ERO1B: variants seen among roughly 807,000 people sequenced by gnomAD.
ERO1B encodes ERO1-like protein beta.
ERO1B carries 49 observed loss-of-function variants against 75.3 expected under a neutral mutation model. The ratio of observed to expected loss-of-function variants is 0.65; its 90% CI spans 0.52 to 0.83. The LOEUF is 0.83. Ranked by LOEUF, ERO1B falls within the 40% of genes least tolerant of loss-of-function variation. The pLI is 0.00. For synonymous variants in ERO1B, 191 were observed against 192.9 expected, an observed-to-expected ratio of 0.99 and a Z score of 0.08; for missense variants, 512 against 560.1, an observed-to-expected ratio of 0.91 and a Z score of 0.87.
intron 11 of ERO1B, 22 bp from the exon 12 acceptor site, chr1:236,226,537 T>A (rs774133514): frequency 1.2e-6 from 2 of 1,602,734 alleles, no homozygotes; most frequent in Non-Finnish European, 1.7e-6. Context: ...GAGAAATACA[T>A]TACATTGTTT....
At position 236,281,916 on chromosome 1, in the gene ERO1B, C is replaced by G. The variant is rs780740410; in HGVS notation, c.-133G>C. ...AGGGTCAGAGGTCTGCACTCCAGTC[C>G]GGAGGCAGGCGACTCTTTCCCCAAC... On this transcript the variant is annotated 5_prime_UTR_variant, in exon 1 of 16. Coordinates refer to ENST00000354619, the MANE Select transcript of ERO1B (RefSeq NM_019891.4). 24 of 481,814 alleles carry G rather than the reference C, an allele frequency of 5.0e-5. No individual in the cohort carries two copies. The highest frequency in any genetic ancestry group is 5.6e-5 in the Non-Finnish European group (17 of 301,482). 29.8% of individuals were successfully genotyped at this position (481,814 alleles called of 1,614,324 possible).
intron 1 of ERO1B, among the ~76,000 whole-genome samples, chr1:236,278,633 C>T (rs1665758912): frequency 6.6e-6 from 1 of 152,026 alleles, no homozygotes; most frequent in Non-Finnish European, 1.5e-5. Flanking sequence ...CAATTTTATG[C>T]CACCTCAGAA....
chr1:236,252,214 T>C lies in ERO1B; in HGVS notation c.307-123A>G, dbSNP rs543980389. On this transcript the variant is annotated intron_variant, in intron 3 of 15. Coordinates refer to ENST00000354619, the MANE Select transcript of ERO1B (RefSeq NM_019891.4). ...CATTTTACTCTATGAGGGGCAAATA[T>C]ACACTCACTCAAATTGTGTTTTCAC... 1.4e-5 allele frequency: 9 copies of C among 650,072 alleles called. No homozygotes were observed. In the East Asian group the frequency reaches 1.6e-4, roughly 12 times the overall value. The allele number at this position is 650,072 out of a possible 1,614,324, so 40.3% of individuals were successfully genotyped here.
chr1:236,232,729 GAAT>G, intron 9 of ERO1B, 96 bp downstream of exon 9: 1 of 1,053,464 alleles, frequency 9.5e-7, no homozygotes, highest in Admixed American at 2.6e-5. Context: ...TAGAAAACAG[GAAT>G]ACTTTCTTTT....
intron 1 of ERO1B, among the ~76,000 whole-genome samples, chr1:236,279,927 AC>A (rs1665793157): frequency 6.6e-6 from 1 of 152,124 alleles, no homozygotes; most frequent in South Asian, 2.1e-4. Context: ...GCACAATGCT[AC>A]TTCAAATATT....
At chr1:236,230,498 G>A (rs1441992531) in intron 9 of ERO1B, among the ~76,000 whole-genome samples, 1 of 150,662 alleles carries the variant, frequency 6.6e-6, no homozygotes, top group Non-Finnish European at 1.5e-5. Flanking sequence ...CTGTAATCCA[G>A]CTACTCGGGA....
At chr1:236,279,843 C>CAAAAAAAAA (rs60949594) in intron 1 of ERO1B, among the ~76,000 whole-genome samples, 1 of 135,288 alleles carries the variant, frequency 7.4e-6, no homozygotes. Context: ...GACACTATCT[C>CAAAAAAAAA]AAAAAAAAAA....
intron 6 of ERO1B, among the ~76,000 whole-genome samples, chr1:236,240,251 AATTTAAT>A (rs1345774673): frequency 6.6e-6 from 1 of 151,942 alleles, no homozygotes; most frequent in Admixed American, 6.6e-5. Context: ...CCACTGTCCT[AATTTAAT>A]AGAGTTATGA....
chr1:236,266,828 C>A (rs1665453904), intron 2 of ERO1B, among the ~76,000 whole-genome samples: 1 of 152,112 alleles, frequency 6.6e-6, no homozygotes. Flanking sequence ...TAGATCATGG[C>A]ATTAACCCTC....
chr1:236,256,594 G>C (rs1049247438), intron 2 of ERO1B, among the ~76,000 whole-genome samples: 14 of 152,216 alleles, frequency 9.2e-5, no homozygotes, highest in Admixed American at 9.2e-4. Flanking sequence ...CTCCTGGCAT[G>C]CTTCAGTAAT....
intron 1 of ERO1B, among the ~76,000 whole-genome samples, chr1:236,278,403 T>G (rs559886563): frequency 6.6e-6 from 1 of 151,984 alleles, no homozygotes; most frequent in East Asian, 1.9e-4. Flanking sequence ...ATCCTCAATA[T>G]AAGGGTAAAC....
intron 2 of ERO1B, among the ~76,000 whole-genome samples, chr1:236,265,918 G>A (rs1001602821): frequency 6.6e-6 from 1 of 152,118 alleles, no homozygotes; most frequent in African/African-American, 2.4e-5. Flanking sequence ...TTGCTCAAAT[G>A]TTACATTAGC....
chr1:236,281,622 G>T, intron 1 of ERO1B, 60 bp downstream of exon 1: 3 of 1,172,488 alleles, frequency 2.6e-6, no homozygotes, highest in South Asian at 2.3e-5. Flanking sequence ...GCCGCGGCCC[G>T]TGTGTAGCGG....
Position 236,216,977 on chromosome 1 carries a change from G to A in ERO1B, c.*1539C>T, listed in dbSNP as rs1664003336. The A allele has an allele frequency of 6.6e-6, 1 of 151,434 alleles. No individual in the cohort carries two copies. 9.4% of individuals were successfully genotyped at this position (151,434 alleles called of 1,614,324 possible). On this transcript the variant is annotated 3_prime_UTR_variant, in exon 16 of 16. Coordinates refer to ENST00000354619, the MANE Select transcript of ERO1B (RefSeq NM_019891.4). ...ACCACCATCAACAACAAAACCCCAA[G>A]TTTATAAAGGTTTGAAATTAGGTGA...
At chr1:236,281,650 G>C in intron 1 of ERO1B, 32 bp downstream of exon 1, 6 of 1,366,968 alleles carry the variant, frequency 4.4e-6, no homozygotes, top group Non-Finnish European at 4.8e-6. Context: ...TGTTCGGCCG[G>C]GGGTTCCCGG....
intron 13 of ERO1B, among the ~76,000 whole-genome samples, chr1:236,223,421 C>CA (rs1443074275): frequency 6.6e-6 from 1 of 152,100 alleles, no homozygotes; most frequent in Non-Finnish European, 1.5e-5. Context: ...AAGCGGGAGG[C>CA]AAGTAGCCTG....
intron 2 of ERO1B, among the ~76,000 whole-genome samples, chr1:236,262,319 T>C (rs1471759092): frequency 2.0e-5 from 3 of 152,216 alleles, no homozygotes; most frequent in Admixed American, 2.0e-4. Flanking sequence ...CCTTACCTCA[T>C]ACAAAAATGC....
chr1:236,274,100 C>T (rs986348069), intron 1 of ERO1B, among the ~76,000 whole-genome samples: 1 of 151,180 alleles, frequency 6.6e-6, no homozygotes, highest in Non-Finnish European at 1.5e-5. Context: ...TCTCGTGCCT[C>T]AGCCTCCCGA....
chr1:236,252,983 C>A (rs560690702), intron 3 of ERO1B, among the ~76,000 whole-genome samples: 144 of 151,680 alleles, frequency 9.5e-4, no homozygotes, highest in African/African-American at 3.2e-3. Context: ...GTAAATGTAA[C>A]AAGGCCAAGT....
Sources: gnomAD v4.1 joint callset for allele counts (sites outside exome capture counted in the v4.1 genomes callset) on GRCh38, gnomAD v4.1.1 for gene constraint, MANE v1.5 for transcripts, NCBI Gene and HGNC (gene_info 2026-07-23, HGNC 2026-07-21) for gene names.